Variants in GRM3 observed in about 807,000 individuals in gnomAD.
GRM3 encodes glutamate metabotropic receptor 3.
Under a neutral mutation model 70.5 loss-of-function variants are expected in GRM3, and 26 were observed. The observed-to-expected ratio is 0.37, with a 90% CI of 0.27 to 0.51. The LOEUF (loss-of-function observed/expected upper bound fraction) is 0.51. Among genes scored for constraint, GRM3 ranks in the 20% least tolerant of loss-of-function variants. The pLI, the probability that GRM3 is intolerant of heterozygous loss-of-function variation, is 0.93. For synonymous variants in GRM3, 443 were observed against 434.9 expected (o/e 1.02, Z -0.23); for missense variants, 859 against 1,123.8 (o/e 0.76, Z 3.37).
intron 4 of GRM3, among the ~76,000 whole-genome samples, chr7:86,847,525 T>C (rs564110697): frequency 2.0e-5 from 3 of 152,308 alleles, no homozygotes; most frequent in Admixed American, 6.5e-5. Context: ...AATAATTGAT[T>C]TGGACATCAT....
chr7:86,823,623 G>T, intron 3 of GRM3, among the ~76,000 whole-genome samples: 1 of 107,378 alleles, frequency 9.3e-6, no homozygotes, highest in Non-Finnish European at 1.8e-5. Context: ...GGGGATTAGT[G>T]CATGCTGGGG....
At chr7:86,651,574 A>G (rs1793606816) in intron 1 of GRM3, among the ~76,000 whole-genome samples, 1 of 152,192 alleles carries the variant, frequency 6.6e-6, no homozygotes. Flanking sequence ...ACTTTGGAAC[A>G]TCTTGTTTTT....
chr7:86,738,517 A>G lies in GRM3; in HGVS notation c.-140-26489A>G, dbSNP rs576342944. On this transcript the variant is annotated intron_variant, in intron 1 of 5. Coordinates refer to ENST00000361669, the MANE Select transcript of GRM3 (RefSeq NM_000840.3). ...ATCTCACTCAACTTATTTAATCTTC[A>G]TAAGTTTCCTGTGAAGCAGATGCCA... 2.1e-4 allele frequency among the ~76,000 whole-genome samples: 32 copies of G among 152,340 alleles called. 1 individual carries two copies. Among genetic ancestry groups the G allele is most frequent in the African/African-American group, 7.0e-4 (29 of 41,578 alleles).
chr7:86,662,011 G>T (rs1461004421), intron 1 of GRM3, among the ~76,000 whole-genome samples: 1 of 151,746 alleles, frequency 6.6e-6, no homozygotes, highest in Non-Finnish European at 1.5e-5. Context: ...ATCTTAAAAT[G>T]AATGGTATCA....
At chr7:86,851,050 C>T (rs1178489498) in intron 5 of GRM3, among the ~76,000 whole-genome samples, 1 of 152,046 alleles carries the variant, frequency 6.6e-6, no homozygotes, top group African/African-American at 2.4e-5. Flanking sequence ...CCTAATTCCC[C>T]CTTGGAAGTT....
intron 5 of GRM3, among the ~76,000 whole-genome samples, chr7:86,860,805 T>G (rs1798941884): frequency 6.6e-6 from 1 of 152,222 alleles, no homozygotes. Flanking sequence ...AAGATATACC[T>G]AATTTTTAAG....
intron 1 of GRM3, among the ~76,000 whole-genome samples, chr7:86,735,456 ACT>A (rs1164394424): frequency 6.6e-6 from 1 of 152,042 alleles, no homozygotes; most frequent in Non-Finnish European, 1.5e-5. Flanking sequence ...AAGTTTGTCT[ACT>A]CTCTTATCTC....
chr7:86,740,633 A>G (rs748440800), intron 1 of GRM3, among the ~76,000 whole-genome samples: 4 of 152,202 alleles, frequency 2.6e-5, no homozygotes, highest in Non-Finnish European at 4.4e-5. Flanking sequence ...AGAAAATATT[A>G]AAGATTTAAA....
intron 5 of GRM3, among the ~76,000 whole-genome samples, chr7:86,860,553 G>A (rs1490758308): frequency 6.6e-6 from 1 of 152,162 alleles, no homozygotes; most frequent in Non-Finnish European, 1.5e-5. Context: ...AGTCTTGTGG[G>A]TATTTTTTGC....
chr7:86,696,624 A>G (rs1414832024), intron 1 of GRM3, among the ~76,000 whole-genome samples: 1 of 152,082 alleles, frequency 6.6e-6, no homozygotes, highest in Non-Finnish European at 1.5e-5. Context: ...AGTACCTTCT[A>G]TGCTGTTGAT....
intron 1 of GRM3, among the ~76,000 whole-genome samples, chr7:86,762,152 A>G (rs1175305824): frequency 6.6e-6 from 1 of 152,136 alleles, no homozygotes; most frequent in East Asian, 1.9e-4. Flanking sequence ...TTCAAAGGGA[A>G]TTGCACGTAA....
chr7:86,742,020 G>C (rs1329081242), intron 1 of GRM3, among the ~76,000 whole-genome samples: 1 of 152,136 alleles, frequency 6.6e-6, no homozygotes, highest in Admixed American at 6.6e-5. Flanking sequence ...GCAGGGCTTG[G>C]TGGAGACAAC....
intron 5 of GRM3, among the ~76,000 whole-genome samples, chr7:86,860,790 T>C (rs1470344446): frequency 6.6e-6 from 1 of 152,162 alleles, no homozygotes; most frequent in Non-Finnish European, 1.5e-5. Flanking sequence ...CCTCCTTACC[T>C]AGGCAAGATA....
Position 86,786,354 on chromosome 7 carries a change from G to A in GRM3, c.562G>A (p.Ala188Thr), listed in dbSNP as rs979828854. The A allele has an allele frequency of 1.2e-6, 2 of 1,614,118 alleles. No homozygotes were observed. The highest frequency in any genetic ancestry group is 1.7e-6 in the Non-Finnish European group (2 of 1,180,014). Residue 188 changes from alanine (A) to threonine (T), a missense_variant, in exon 3 of 6, where the codon GCC (alanine) becomes ACC (threonine). Transcript: ENST00000361669. This position sits in a 1 kb window ranked among gnomAD's most constrained non-coding sequence, Gnocchi z 6.0. ...LSDKSRYDYF[A>T]RTVPPDFYQA... ...TGATAAGTCGCGCTATGATTACTTT[G>A]CCAGGACCGTGCCCCCCGACTTCTA... is the stretch of plus-strand genomic sequence containing the variant.
At chr7:86,675,937 T>A (rs1306895074) in intron 1 of GRM3, among the ~76,000 whole-genome samples, 1 of 152,006 alleles carries the variant, frequency 6.6e-6, no homozygotes, top group Non-Finnish European at 1.5e-5. Flanking sequence ...ATTCTGTTAA[T>A]TCTTTCAATA....
chr7:86,715,830 G>C (rs550401201), intron 1 of GRM3, among the ~76,000 whole-genome samples: 1 of 152,088 alleles, frequency 6.6e-6, no homozygotes, highest in South Asian at 2.1e-4. Flanking sequence ...ATTTCTATCT[G>C]TCATCTTGCA....
At chr7:86,784,916 A>G (rs1344854457) in intron 2 of GRM3, among the ~76,000 whole-genome samples, 2 of 152,234 alleles carry the variant, frequency 1.3e-5, no homozygotes, top group Non-Finnish European at 2.9e-5. Flanking sequence ...CCAGATATCC[A>G]AGAACATGCT....
At chr7:86,788,409 C>A (rs1233745493) in intron 3 of GRM3, among the ~76,000 whole-genome samples, 1 of 152,156 alleles carries the variant, frequency 6.6e-6, no homozygotes, top group Non-Finnish European at 1.5e-5. Context: ...TTACTTTCCC[C>A]AGAGAGGGCC....
chr7:86,812,605 C>G (rs1255672601), intron 3 of GRM3, among the ~76,000 whole-genome samples: 2 of 151,752 alleles, frequency 1.3e-5, no homozygotes, highest in Non-Finnish European at 2.9e-5. Context: ...AGAATCTGAA[C>G]ACAATTAAAG....
Sources: allele counts gnomAD v4.1 joint callset (sites outside exome capture counted in the v4.1 genomes callset), GRCh38; gene constraint gnomAD v4.1.1; non-coding constraint Gnocchi (gnomAD v3.1); transcripts MANE v1.5; gene names NCBI Gene and HGNC (gene_info 2026-07-23, HGNC 2026-07-21).